The following PRELID2 variants were observed in gnomAD, a reference collection of about 807,000 sequenced individuals.
PRELID2 encodes the protein PRELI domain-containing protein 2.
Under a neutral mutation model 28.4 loss-of-function variants are expected in PRELID2, and 25 were observed. That is an observed-to-expected ratio of 0.88 (90% CI 0.64 to 1.23). The LOEUF (loss-of-function observed/expected upper bound fraction) is 1.23, where lower values mean the gene tolerates loss of function less well. PRELID2 is among the 50% of genes most tolerant of loss of function. The pLI is 0.00. For missense variants in PRELID2, 201 were observed against 214.4 expected (o/e 0.94, Z 0.39); for synonymous variants, 76 against 71.6 (o/e 1.06, Z -0.31).
At chr5:145,549,664 G>A (rs1472366500) in intron 1 of PRELID2, among the ~76,000 whole-genome samples, 2 of 151,920 alleles carry the variant, frequency 1.3e-5, no homozygotes, top group Non-Finnish European at 2.9e-5. Flanking sequence ...GCATGGTGGC[G>A]GCTGCCTGTA....
the PRELID2 span, among the ~76,000 whole-genome samples, chr5:145,324,002 A>G: frequency 6.6e-6 from 1 of 152,202 alleles, no homozygotes; most frequent in East Asian, 1.9e-4. Flanking sequence ...CCTGGGTCAA[A>G]TGGTAATTCT....
chr5:145,618,873 T>C (rs923242755), intron 1 of PRELID2, among the ~76,000 whole-genome samples: 1 of 152,080 alleles, frequency 6.6e-6, no homozygotes, highest in African/African-American at 2.4e-5. Context: ...CTCTGGGGGA[T>C]AGGCATGAGG....
chr5:145,679,213 T>A (rs1193801788), intron 1 of PRELID2, among the ~76,000 whole-genome samples: 2 of 149,970 alleles, frequency 1.3e-5, no homozygotes, highest in South Asian at 4.2e-4. Flanking sequence ...ATGTTCCCTA[T>A]TCCCCTTGGG....
chr5:145,748,284 G>A (rs627623), intron 1 of PRELID2, among the ~76,000 whole-genome samples: 126,659 of 152,144 alleles, frequency 0.83, 52,923 homozygotes, highest in East Asian at 0.96. Context: ...AAACTTCTTA[G>A]ACTGATAAGC....
At position 145,545,903 on chromosome 5, in the gene PRELID2, G is replaced by A. The variant is rs116629758; in HGVS notation, n.71-72588C>T. 9.9e-3 allele frequency among the ~76,000 whole-genome samples: 1,502 copies of A among 152,144 alleles called. 7 individuals are homozygous for A. The highest frequency in any genetic ancestry group is 0.016 in the African/African-American group (644 of 41,520). On this transcript the variant is annotated intron_variant and non_coding_transcript_variant, in intron 1 of 2. Transcript: ENST00000510259. ...CTTAAAGTTGTTCAAGGCTATTCACGTACATAGAAGTGAAAAGTGACATAG... is the reference window on the plus strand; with the variant it reads ...CTTAAAGTTGTTCAAGGCTATTCACATACATAGAAGTGAAAAGTGACATAG...
At chr5:145,364,618 G>C in the PRELID2 span, among the ~76,000 whole-genome samples, 1 of 152,128 alleles carries the variant, frequency 6.6e-6, no homozygotes, top group African/African-American at 2.4e-5. Flanking sequence ...TGGATTAAAT[G>C]ACCAGGCTAC....
rs536214096 is a variant in PRELID2, at chr5:145,516,967, C to T, written n.71-43652G>A. On this transcript the variant is annotated intron_variant and non_coding_transcript_variant, in intron 1 of 2. Coordinates refer to the PRELID2 transcript ENST00000510259. The stretch of plus-strand genomic sequence containing the variant: ...AAACTGAAACTGGACCCTTTCCTTA[C>T]ACTTTATACAAAAATTAACCCAAGA... 3.9e-5 allele frequency among the ~76,000 whole-genome samples: 6 copies of T among 152,302 alleles called. No homozygotes were observed. The East Asian group carries it at 7.7e-4, about 20-fold the overall frequency.
the PRELID2 span, among the ~76,000 whole-genome samples, chr5:145,230,499 A>C: frequency 6.6e-6 from 1 of 152,062 alleles, no homozygotes; most frequent in Non-Finnish European, 1.5e-5. Context: ...GAATTGCTTG[A>C]ATCTGGGAGG....
chr5:145,696,031 G>A (rs1755253359), intron 1 of PRELID2, among the ~76,000 whole-genome samples: 1 of 151,676 alleles, frequency 6.6e-6, no homozygotes, highest in Non-Finnish European at 1.5e-5. Flanking sequence ...GTGCATATGT[G>A]TATCTCGATA....
chr5:145,251,970 C>G, the PRELID2 span, among the ~76,000 whole-genome samples: 1 of 152,146 alleles, frequency 6.6e-6, no homozygotes, highest in Non-Finnish European at 1.5e-5. Flanking sequence ...AACCCAGAAG[C>G]TCCTTCCTTT....
chr5:145,802,257 C>T (rs1295593562), intron 4 of PRELID2, among the ~76,000 whole-genome samples: 2 of 152,156 alleles, frequency 1.3e-5, no homozygotes, highest in Non-Finnish European at 2.9e-5. Context: ...TATGAAAATG[C>T]TTATAATGTA....
chr5:145,652,983 A>G (rs1348033838), intron 1 of PRELID2, among the ~76,000 whole-genome samples: 5 of 152,316 alleles, frequency 3.3e-5, no homozygotes, highest in Admixed American at 6.5e-5. Context: ...AAGACCCATC[A>G]GTGTGCTGTA....
At chr5:145,528,448 C>T (rs908105293) in intron 1 of PRELID2, among the ~76,000 whole-genome samples, 2 of 152,042 alleles carry the variant, frequency 1.3e-5, no homozygotes, top group African/African-American at 4.8e-5. Context: ...GAGCTGTTCA[C>T]CCAACAGAGA....
chr5:145,504,773 CTTGA>C (rs1391121458), intron 1 of PRELID2, among the ~76,000 whole-genome samples: 1 of 152,170 alleles, frequency 6.6e-6, no homozygotes, highest in African/African-American at 2.4e-5. Context: ...TCATTCTACC[CTTGA>C]TTATTGTCTA....
At chr5:145,502,843 GTT>G (rs35862613) in intron 1 of PRELID2, among the ~76,000 whole-genome samples, 219 of 147,496 alleles carry the variant, frequency 1.5e-3, no homozygotes, top group African/African-American at 4.8e-3. Flanking sequence ...ATCCCCAGAA[GTT>G]TTTTTTTTTT....
rs149601508 is a variant in PRELID2, at chr5:145,518,916, A to G, written n.71-45601T>C. ...GTTCTGAGGTTGAGAAACTTGCTCT[A>G]TGGTAAACTCAATTTTGACCTTAAT... On this transcript the variant is annotated intron_variant and non_coding_transcript_variant, in intron 1 of 2. Transcript: ENST00000510259. Among the ~76,000 whole-genome samples, 245 of 152,338 alleles carry G rather than the reference A, an allele frequency of 1.6e-3. 1 individual carries two copies. Among genetic ancestry groups the G allele is most frequent in the African/African-American group, 5.6e-3 (231 of 41,566 alleles).
At chr5:145,319,113 A>AG in the PRELID2 span, among the ~76,000 whole-genome samples, 1 of 151,984 alleles carries the variant, frequency 6.6e-6, no homozygotes, top group South Asian at 2.1e-4. Context: ...GGTATGGTAT[A>AG]GGGGGGCGTT....
At chr5:145,499,264 G>T (rs1038588787) in intron 1 of PRELID2, among the ~76,000 whole-genome samples, 2 of 152,060 alleles carry the variant, frequency 1.3e-5, no homozygotes, top group African/African-American at 4.8e-5. Flanking sequence ...TAAATTAAAT[G>T]TTAAAAGCAT....
chr5:145,610,736 A>T (rs113234757), intron 1 of PRELID2, among the ~76,000 whole-genome samples: 151 of 152,246 alleles, frequency 9.9e-4, no homozygotes, highest in African/African-American at 3.4e-3. Flanking sequence ...AGCCTCTAAG[A>T]CAAGTATTTT....
Sources: gnomAD v4.1 joint callset for allele counts (sites outside exome capture counted in the v4.1 genomes callset) on GRCh38, gnomAD v4.1.1 for gene constraint, MANE v1.5 for transcripts, NCBI Gene and HGNC (gene_info 2026-07-23, HGNC 2026-07-21) for gene names.